The following SFMBT1 variants were observed in gnomAD, a reference collection of about 807,000 sequenced individuals.
SFMBT1 encodes the protein Scm like with four mbt domains 1.
Under a neutral mutation model 108.7 loss-of-function variants are expected in SFMBT1, and 32 were observed. That is an observed-to-expected ratio of 0.29 (90% CI 0.22 to 0.40). The LOEUF (loss-of-function observed/expected upper bound fraction) is 0.40. Among genes scored for constraint, SFMBT1 ranks in the 10% least tolerant of loss-of-function variants. The probability of loss-of-function intolerance (pLI) is 1.00; values close to 1 mark genes in which losing one functional copy is unlikely to be tolerated. For synonymous variants in SFMBT1, 348 were observed against 369.5 expected, an observed-to-expected ratio of 0.94 and a Z score of 0.67; for missense variants, 816 against 1,059.6, an observed-to-expected ratio of 0.77 and a Z score of 3.19.
chr3:53,003,809 G>A (rs1215256057), intron 1 of SFMBT1, among the ~76,000 whole-genome samples: 1 of 147,684 alleles, frequency 6.8e-6, no homozygotes, highest in African/African-American at 2.5e-5. Flanking sequence ...CAGCGTGAGA[G>A]GTGATTCCCA....
chr3:52,989,361 C>T (rs181315986), intron 1 of SFMBT1, among the ~76,000 whole-genome samples: 323 of 149,102 alleles, frequency 2.2e-3, no homozygotes, highest in Middle Eastern at 0.01. Context: ...TGTGTGAACC[C>T]GGGAGCCAGA....
chr3:52,990,510 C>G (rs1705082708), intron 1 of SFMBT1, among the ~76,000 whole-genome samples: 1 of 152,126 alleles, frequency 6.6e-6, no homozygotes, highest in Non-Finnish European at 1.5e-5. Context: ...TCAAAGCAAT[C>G]TTTAAAGAAA....
intron 12 of SFMBT1, among the ~76,000 whole-genome samples, chr3:52,919,786 G>C (rs965535249): frequency 3.9e-5 from 6 of 152,144 alleles, no homozygotes; most frequent in African/African-American, 1.4e-4. Context: ...CTAAAGGAAG[G>C]CTCCAGCCAA....
At chr3:52,911,854 G>A (rs746499310) in intron 16 of SFMBT1, among the ~76,000 whole-genome samples, 3 of 151,736 alleles carry the variant, frequency 2.0e-5, no homozygotes, top group Non-Finnish European at 4.4e-5. Flanking sequence ...CACACACCAC[G>A]ACACCTGGCT....
At chr3:52,908,028 T>A (rs1284298269) in intron 17 of SFMBT1, among the ~76,000 whole-genome samples, 1 of 152,012 alleles carries the variant, frequency 6.6e-6, no homozygotes, top group Non-Finnish European at 1.5e-5. Flanking sequence ...ATAGATTAGC[T>A]TTGCCTCTAT....
intron 9 of SFMBT1, 68 bp downstream of exon 9, chr3:52,928,123 G>A (rs1024414576): frequency 9.0e-6 from 14 of 1,555,168 alleles, no homozygotes; most frequent in Non-Finnish European, 1.1e-5. Flanking sequence ...TTTCAGCAAT[G>A]CCATCTGACA....
At chr3:52,957,370 T>C (rs1310140699) in intron 2 of SFMBT1, among the ~76,000 whole-genome samples, 1 of 151,956 alleles carries the variant, frequency 6.6e-6, no homozygotes, top group Non-Finnish European at 1.5e-5. Context: ...ACAGAAAGAA[T>C]CAAAATATCA....
intron 1 of SFMBT1, among the ~76,000 whole-genome samples, chr3:52,984,719 C>T (rs1337725363): frequency 1.2e-5 from 1 of 80,128 alleles, no homozygotes; most frequent in African/African-American, 4.4e-5. Context: ...GAATACTATA[C>T]TAAATACTGT....
At chr3:53,014,375 C>G (rs1699054563) in intron 1 of SFMBT1, among the ~76,000 whole-genome samples, 1 of 152,014 alleles carries the variant, frequency 6.6e-6, no homozygotes, top group African/African-American at 2.4e-5. Context: ...GAGGCTGAGG[C>G]AGGAGAATCG....
At chr3:52,911,350 C>A (rs926705184) in intron 16 of SFMBT1, among the ~76,000 whole-genome samples, 172 bp from the exon 17 acceptor site, 14 of 152,210 alleles carry the variant, frequency 9.2e-5, no homozygotes, top group Non-Finnish European at 1.3e-4. Flanking sequence ...GAACTTAAAT[C>A]AAATTAAATC....
chr3:52,981,733 C>A (rs558398366), intron 1 of SFMBT1, among the ~76,000 whole-genome samples: 1 of 151,274 alleles, frequency 6.6e-6, no homozygotes, highest in Non-Finnish European at 1.5e-5. Flanking sequence ...AAATGTGCTA[C>A]AAAGGACATT....
chr3:52,928,327 C>T lies in SFMBT1; in HGVS notation c.912G>A (p.Lys304=), dbSNP rs139594702. The T allele has an allele frequency of 5.8e-4, 931 of 1,613,784 alleles. 1 individual carries two copies. In the African/African-American group the frequency reaches 0.011, roughly 19 times the overall value. ...PATVVKVFDE[K]YFLVEMDDLR... ...AGTCATCCATTTCCACCAGAAAGTA[C>T]TTCTCATCAAAAACCTATACATGCA... The change falls in exon 9 of 21, where the codon AAG becomes AAA. Residue 304 remains lysine, a synonymous_variant. Coordinates refer to ENST00000394752, the MANE Select transcript of SFMBT1 (RefSeq NM_016329.4).
chr3:52,996,133 TA>T lies in SFMBT1; in HGVS notation c.-130-26876del, dbSNP rs1432638802. Among the ~76,000 whole-genome samples the T allele has an allele frequency of 1.0e-4, 15 of 146,326 alleles. 1 individual carries two copies. Among genetic ancestry groups the T allele is most frequent in the African/African-American group, 3.0e-4 (12 of 40,438 alleles). ...GAAGAAAAAAGACAAGCCAGAGGCT[TA>T]AAAAGAAATTTTTTTGCAAAACATA... On this transcript the variant is annotated intron_variant, in intron 1 of 20. Coordinates refer to ENST00000394752, the MANE Select transcript of SFMBT1 (RefSeq NM_016329.4).
chr3:52,952,173 A>C (rs1575398007), intron 3 of SFMBT1, among the ~76,000 whole-genome samples: 1 of 152,118 alleles, frequency 6.6e-6, no homozygotes, highest in South Asian at 2.1e-4. Flanking sequence ...CCTGGCTAAC[A>C]CGGTGAAACC....
chr3:52,991,410 T>A, intron 1 of SFMBT1, among the ~76,000 whole-genome samples: 1 of 134,218 alleles, frequency 7.5e-6, no homozygotes, highest in East Asian at 2.5e-4. Context: ...AGTGGCACAA[T>A]CTCAGCTCAC....
At chr3:53,008,092 G>C (rs945263492) in intron 1 of SFMBT1, among the ~76,000 whole-genome samples, 3 of 152,078 alleles carry the variant, frequency 2.0e-5, no homozygotes, top group African/African-American at 7.2e-5. Flanking sequence ...AGGCGGTGGG[G>C]AAAGGAGCTG....
Position 52,921,897 on chromosome 3 carries a change from G to T in SFMBT1, c.1132-66C>A, listed in dbSNP as rs150082697. The T allele has an allele frequency of 4.5e-6, 7 of 1,544,836 alleles. No individual in the cohort carries two copies. The Admixed American group carries it at 5.1e-5, about 11-fold the overall frequency. ...CAGTATTAACTCACGTGCTCAGCTAGAAAACCTTTTTCAAGTAGTACTTAA... is the reference window on the plus strand; with the variant it reads ...CAGTATTAACTCACGTGCTCAGCTATAAAACCTTTTTCAAGTAGTACTTAA... On this transcript the variant is annotated intron_variant, in intron 10 of 20. Coordinates refer to ENST00000394752, the MANE Select transcript of SFMBT1 (RefSeq NM_016329.4).
chr3:52,927,905 G>A (rs1271465023), intron 9 of SFMBT1, among the ~76,000 whole-genome samples: 1 of 152,248 alleles, frequency 6.6e-6, no homozygotes, highest in Middle Eastern at 3.4e-3. Context: ...GAGCCAGCAC[G>A]AACCCAGGTT....
At chr3:53,001,925 T>TCTCTCTCA (rs1448849638) in intron 1 of SFMBT1, among the ~76,000 whole-genome samples, 2 of 129,132 alleles carry the variant, frequency 1.5e-5, no homozygotes, top group Admixed American at 1.7e-4. Flanking sequence ...ACCCAGTCTC[T>TCTCTCTCA]CACACACACA....
Sources: allele counts gnomAD v4.1 joint callset (sites outside exome capture counted in the v4.1 genomes callset), GRCh38; gene constraint gnomAD v4.1.1; transcripts MANE v1.5; gene names NCBI Gene and HGNC (gene_info 2026-07-23, HGNC 2026-07-21).